The following PCDHA2 variants were observed in gnomAD, a reference collection of about 807,000 sequenced individuals.
PCDHA2 encodes the protein protocadherin alpha 2, also known as protocadherin alpha-2.
In PCDHA2, 58 loss-of-function variants were observed where a neutral mutation model predicts 66.0. That is an observed-to-expected ratio of 0.88 (90% CI 0.71 to 1.09). The LOEUF (loss-of-function observed/expected upper bound fraction) is 1.09. PCDHA2 is among the 50% of genes least tolerant of loss of function. The pLI is 0.00. For synonymous variants in PCDHA2, 634 were observed against 554.0 expected (o/e 1.14, Z -2.03); for missense variants, 1,267 against 1,242.3 (o/e 1.02, Z -0.30).
intron 1 of PCDHA2, chr5:140,865,095 C>T (rs1163378400): frequency 2.0e-5 from 3 of 152,198 alleles, no homozygotes; most frequent in African/African-American, 7.2e-5. Context: ...TTAATAAAGG[C>T]ACTTCCACTT....
intron 1 of PCDHA2, among the ~76,000 whole-genome samples, chr5:140,913,431 C>G (rs1554195920): frequency 6.6e-6 from 1 of 152,036 alleles, no homozygotes; most frequent in African/African-American, 2.4e-5. Flanking sequence ...AGTTGTAATG[C>G]CTCCTTTTTC....
At chr5:140,831,986 C>T (rs2150198716) in intron 1 of PCDHA2, among the ~76,000 whole-genome samples, 20 of 152,252 alleles carry the variant, frequency 1.3e-4, no homozygotes, top group African/African-American at 3.9e-4. Context: ...ACTCTCATTA[C>T]GGATTCCATA....
chr5:140,857,789 C>T lies in PCDHA2; in HGVS notation c.2388+60437C>T, dbSNP rs576562662. Reference sequence around the variant, plus strand: ...GGGCGGTGCAGTCAGTGAGCTGGTGCTGCGGTCGGTGGTTGCGGGTCACGT... The same window carrying T: ...GGGCGGTGCAGTCAGTGAGCTGGTGTTGCGGTCGGTGGTTGCGGGTCACGT... On this transcript the variant is annotated intron_variant, in intron 1 of 3. Transcript: ENST00000526136. 7.5e-6 allele frequency: 12 copies of T among 1,597,704 alleles called. No homozygotes were observed. In the African/African-American group the frequency reaches 1.5e-4, roughly 20 times the overall value.
chr5:140,873,929 G>C (rs1457405512), intron 1 of PCDHA2, among the ~76,000 whole-genome samples: 3 of 152,138 alleles, frequency 2.0e-5, no homozygotes, highest in African/African-American at 7.2e-5. Flanking sequence ...CCAAAGTGCT[G>C]GGATTACAGG....
At chr5:140,834,853 C>T in intron 1 of PCDHA2, 1 of 1,610,524 alleles carries the variant, frequency 6.2e-7, no homozygotes, top group Non-Finnish European at 8.5e-7. Flanking sequence ...CTAGAGGGCG[C>T]GTCCGATGCA....
chr5:140,963,386 A>G (rs189164274), intron 1 of PCDHA2, among the ~76,000 whole-genome samples: 2 of 152,344 alleles, frequency 1.3e-5, no homozygotes, highest in Admixed American at 1.3e-4. Flanking sequence ...CTCTGTGCCA[A>G]GCTCCCTACT....
intron 1 of PCDHA2, chr5:140,869,694 G>A (rs782372405): frequency 6.2e-7 from 1 of 1,613,394 alleles, no homozygotes; most frequent in Non-Finnish European, 8.5e-7. Flanking sequence ...TTATTTTAAA[G>A]AAGTCTCTGG....
intron 1 of PCDHA2, chr5:140,836,937 G>T: frequency 2.1e-6 from 1 of 469,842 alleles, no homozygotes; most frequent in Non-Finnish European, 3.6e-6. Context: ...TAATACTATA[G>T]ATCAAAATCT....
chr5:140,849,744 A>G lies in PCDHA2; in HGVS notation c.2388+52392A>G, dbSNP rs2150447733. On this transcript the variant is annotated intron_variant, in intron 1 of 3. Coordinates refer to ENST00000526136, the MANE Select transcript of PCDHA2 (RefSeq NM_018905.3). ...GCTGGACAGAGCTCTGGACCGCGAG[A>G]GTGTGTCCGCCTACGAGCTGGTGGT... The G allele has an allele frequency of 1.1e-5, 18 of 1,598,098 alleles. No homozygotes were observed. In the South Asian group the frequency reaches 1.4e-4, roughly 13 times the overall value.
intron 3 of PCDHA2, among the ~76,000 whole-genome samples, chr5:141,004,899 C>A (rs898562164): frequency 4.6e-5 from 7 of 152,096 alleles, no homozygotes. Context: ...TCAGCTCTGC[C>A]AGGGTGTAAG....
At chr5:140,870,671 A>T in intron 1 of PCDHA2, 1 of 1,612,606 alleles carries the variant, frequency 6.2e-7, no homozygotes, top group Non-Finnish European at 8.5e-7. Context: ...CAGCCGTTGG[A>T]CCACGAGGAG....
chr5:140,872,923 C>T (rs2053985502), intron 1 of PCDHA2, among the ~76,000 whole-genome samples: 1 of 152,102 alleles, frequency 6.6e-6, no homozygotes, highest in Non-Finnish European at 1.5e-5. Flanking sequence ...TGCCTTATCT[C>T]TAATGTTTTT....
At chr5:140,890,697 C>G (rs1479609896) in intron 1 of PCDHA2, among the ~76,000 whole-genome samples, 1 of 152,124 alleles carries the variant, frequency 6.6e-6, no homozygotes, top group Non-Finnish European at 1.5e-5. Context: ...ATGCAGGGAC[C>G]TTACATTTTT....
rs377081112 is a variant in PCDHA2 at position 140,871,063 on chromosome 5, G to T, written c.2388+73711G>T. The T allele has an allele frequency of 1.1e-5, 18 of 1,613,154 alleles. No homozygotes were observed. In the African/African-American group the frequency reaches 2.0e-4, roughly 18 times the overall value. On this transcript the variant is annotated intron_variant, in intron 1 of 3. Transcript: ENST00000526136. ...ACTTCTAGTACTGGTGAAGGATCAC[G>T]GTGAGCCGGCGCTGACGGCCACGGC...
chr5:140,883,262 G>T (rs1211665444), intron 1 of PCDHA2: 1 of 1,613,956 alleles, frequency 6.2e-7, no homozygotes. Flanking sequence ...TCCAATGGCG[G>T]GTCATTGTAC....
chr5:140,828,926 T>C (rs2150160859), intron 1 of PCDHA2: 9 of 1,614,260 alleles, frequency 5.6e-6, no homozygotes, highest in African/African-American at 5.3e-5. Context: ...GGCAATTTCA[T>C]ATTCTTTTAA....
At chr5:140,893,575 T>C (rs930167579) in intron 1 of PCDHA2, among the ~76,000 whole-genome samples, 6 of 152,220 alleles carry the variant, frequency 3.9e-5, no homozygotes, top group Non-Finnish European at 7.3e-5. Flanking sequence ...CCTCAGTTTT[T>C]GCTTGTTTGG....
chr5:140,883,905 G>C (rs781818160), intron 1 of PCDHA2: 1 of 1,613,458 alleles, frequency 6.2e-7, no homozygotes, highest in South Asian at 1.1e-5. Flanking sequence ...CCGCCTCTGG[G>C]CAGCAACGTG....
At chr5:140,992,416 C>T (rs3776107) in intron 3 of PCDHA2, among the ~76,000 whole-genome samples, 9,821 of 152,168 alleles carry the variant, frequency 0.065, 355 homozygotes, top group East Asian at 0.12. Context: ...TGCCCCAGGT[C>T]TAAGAATATT....
Sources: allele counts gnomAD v4.1 joint callset (sites outside exome capture counted in the v4.1 genomes callset), GRCh38; gene constraint gnomAD v4.1.1; transcripts MANE v1.5; gene names NCBI Gene and HGNC (gene_info 2026-07-23, HGNC 2026-07-21).